Variants in SAMSN1 observed in about 807,000 individuals in gnomAD.
SAMSN1 encodes the protein SAM domain, SH3 domain and nuclear localization signals 1.
Under a neutral mutation model 42.0 loss-of-function variants are expected in SAMSN1, and 31 were observed. That is an observed-to-expected ratio of 0.74 (90% CI 0.55 to 1.00). The LOEUF is 1.00. Ranked by LOEUF, SAMSN1 falls within the 50% of genes least tolerant of loss-of-function variation. The pLI, the probability that SAMSN1 is intolerant of heterozygous loss-of-function variation, is 0.00. For missense variants in SAMSN1, 464 were observed against 439.4 expected, an observed-to-expected ratio of 1.06 and a Z score of -0.50; for synonymous variants, 178 against 151.9, an observed-to-expected ratio of 1.17 and a Z score of -1.26.
chr21:14,594,046 A>G (rs1250846192), exon 7 of SAMSN1: 1 of 715,750 alleles, frequency 1.4e-6, no homozygotes, highest in Non-Finnish European at 2.6e-6. Context: ...CATGTCTTTG[A>G]TAGTGAAATG....
intron 7 of SAMSN1, chr21:14,592,784 G>T: frequency 4.8e-6 from 1 of 206,196 alleles, no homozygotes. Flanking sequence ...TGGCCTAAGA[G>T]CACAGTCCGT....
At chr21:14,640,467 GAAT>G (rs142669900) in intron 2 of SAMSN1, among the ~76,000 whole-genome samples, 1,745 of 152,078 alleles carry the variant, frequency 0.011, 38 homozygotes, top group African/African-American at 0.04. Flanking sequence ...AGTCCAAATG[GAAT>G]AATATTTTTT....
At chr21:14,583,729 C>G (rs1981832897), upstream of SAMSN1, 1 of 717,650 alleles carries the variant, frequency 1.4e-6, no homozygotes, top group African/African-American at 1.7e-5. Context: ...TCTGTAGTCG[C>G]TTTAATGTCC....
At chr21:14,631,238 G>A (rs868200333) in intron 2 of SAMSN1, among the ~76,000 whole-genome samples, 22 of 152,118 alleles carry the variant, frequency 1.4e-4, no homozygotes, top group African/African-American at 5.1e-4. Flanking sequence ...GTTAACACCT[G>A]CTATTGATCA....
chr21:14,615,783 A>C (rs79724219), intron 3 of SAMSN1, among the ~76,000 whole-genome samples: 88 of 151,654 alleles, frequency 5.8e-4, no homozygotes, highest in African/African-American at 1.9e-3. Flanking sequence ...GGAATGTCAC[A>C]ACACAGCTTT....
intron 2 of SAMSN1, among the ~76,000 whole-genome samples, chr21:14,637,618 G>A (rs1354077137): frequency 6.6e-6 from 1 of 152,014 alleles, no homozygotes; most frequent in Non-Finnish European, 1.5e-5. Flanking sequence ...AGAAGTTGCA[G>A]CAAAGATTTT....
chr21:14,632,007 G>A (rs910590541), intron 2 of SAMSN1, among the ~76,000 whole-genome samples: 1 of 152,146 alleles, frequency 6.6e-6, no homozygotes, highest in Non-Finnish European at 1.5e-5. Context: ...CTTGCTACTA[G>A]AATAAGATAT....
intron 2 of SAMSN1, among the ~76,000 whole-genome samples, chr21:14,565,227 C>T (rs1056740464): frequency 1.4e-5 from 2 of 142,058 alleles, no homozygotes; most frequent in Non-Finnish European, 3.0e-5. Flanking sequence ...ACCTGGGAGG[C>T]GGAGGTTGCA....
At chr21:14,538,370 A>G (rs1448127693) in intron 1 of SAMSN1, among the ~76,000 whole-genome samples, 1 of 152,234 alleles carries the variant, frequency 6.6e-6, no homozygotes, top group Non-Finnish European at 1.5e-5. Flanking sequence ...AAACTGTGCC[A>G]TAAATCCCAA....
At chr21:14,550,952 C>A (rs1980574851), upstream of SAMSN1, among the ~76,000 whole-genome samples, 2 of 152,150 alleles carry the variant, frequency 1.3e-5, no homozygotes, top group Middle Eastern at 3.4e-3. Flanking sequence ...AAGCTCTATG[C>A]ATAAATGATG....
rs1223504269 is a variant in SAMSN1, at chr21:14,577,280, ATATATTTT to A, written c.261+4848_261+4855del. Among the ~76,000 whole-genome samples the A allele has an allele frequency of 6.3e-3, 305 of 48,410 alleles. 8 individuals are homozygous for A. Among genetic ancestry groups the A allele is most frequent in the Non-Finnish European group, 8.9e-3 (250 of 28,198 alleles). 31.8% of individuals were successfully genotyped at this position (48,410 alleles called of 152,430 possible). ...TATATATATATATATATATATATATATATATTTTTTTTTTAGAAGAGACAGGGTTTTAC... is the reference window on the plus strand; with the variant it reads ...TATATATATATATATATATATATATATTTTTTAGAAGAGACAGGGTTTTAC... On this transcript the variant is annotated intron_variant, in intron 2 of 8. Coordinates refer to the SAMSN1 transcript ENST00000285670.
chr21:14,526,810 G>A (rs1255176162), intron 1 of SAMSN1, among the ~76,000 whole-genome samples: 1 of 152,134 alleles, frequency 6.6e-6, no homozygotes, highest in South Asian at 2.1e-4. Context: ...CGGTTTCCTA[G>A]AATACTGACC....
intron 1 of SAMSN1, chr21:14,523,373 C>T (rs1978622254): frequency 6.7e-6 from 1 of 149,854 alleles, no homozygotes; most frequent in South Asian, 2.1e-4. Flanking sequence ...ACTTGCCACC[C>T]CGGCTGGACG....
chr21:14,549,009 C>T (rs1057442723), upstream of SAMSN1, among the ~76,000 whole-genome samples: 2 of 152,104 alleles, frequency 1.3e-5, no homozygotes, highest in African/African-American at 4.8e-5. Flanking sequence ...ACATCCCAGA[C>T]AGAATGGAAC....
intron 2 of SAMSN1, among the ~76,000 whole-genome samples, chr21:14,618,837 C>G (rs1401765291): frequency 6.6e-6 from 1 of 152,176 alleles, no homozygotes; most frequent in Non-Finnish European, 1.5e-5. Context: ...AAACTTACTC[C>G]TGTTAGCCTT....
intron 2 of SAMSN1, among the ~76,000 whole-genome samples, chr21:14,575,428 C>A (rs1477517164): frequency 6.6e-6 from 1 of 152,080 alleles, no homozygotes; most frequent in East Asian, 1.9e-4. Context: ...TCCTATTTAT[C>A]TTTTCAAAAT....
chr21:14,577,278 ATATATATTTT>A lies in SAMSN1; in HGVS notation c.261+4848_261+4857del, dbSNP rs1407374056. Among the ~76,000 whole-genome samples, 35 of 47,584 alleles carry A rather than the reference ATATATATTTT, an allele frequency of 7.4e-4. 2 individuals carry two copies. Among genetic ancestry groups the A allele is most frequent in the African/African-American group, 2.9e-3 (21 of 7,320 alleles). The allele number at this position is 47,584 out of a possible 152,430, so 31.2% of individuals were successfully genotyped here. A position where few individuals can be genotyped will look rare whatever the true frequency, so the allele number is the denominator to read the frequency against. ...TATATATATATATATATATATATAT[ATATATATTTT>A]TTTTTTAGAAGAGACAGGGTTTTAC... is the stretch of plus-strand genomic sequence containing the variant. On this transcript the variant is annotated intron_variant, in intron 2 of 8. Transcript: ENST00000285670.
intron 5 of SAMSN1, among the ~76,000 whole-genome samples, chr21:14,509,640 CCT>C (rs1220362911): frequency 6.6e-6 from 1 of 152,160 alleles, no homozygotes; most frequent in East Asian, 1.9e-4. Flanking sequence ...ACCTTGTCTC[CCT>C]CTCTCTTCAT....
intron 5 of SAMSN1, among the ~76,000 whole-genome samples, chr21:14,602,670 T>G (rs2123302404): frequency 6.6e-6 from 1 of 152,338 alleles, no homozygotes; most frequent in South Asian, 2.1e-4. Context: ...TATTTAAGTC[T>G]GAAATATATG....
Sources: allele counts gnomAD v4.1 joint callset (sites outside exome capture counted in the v4.1 genomes callset), GRCh38; gene constraint gnomAD v4.1.1; transcripts MANE v1.5; gene names NCBI Gene and HGNC (gene_info 2026-07-23, HGNC 2026-07-21).